Variants in PTK7 observed in about 807,000 individuals in gnomAD.
The protein encoded by PTK7 is protein tyrosine kinase 7 (inactive).
Under a neutral mutation model 116.6 loss-of-function variants are expected in PTK7, and 39 were observed. The observed-to-expected ratio is 0.33, with a 90% CI of 0.26 to 0.44. The LOEUF is 0.44. Ranked by LOEUF, PTK7 falls within the 20% of genes least tolerant of loss-of-function variation. The probability of loss-of-function intolerance (pLI) is 1.00; values close to 1 mark genes in which losing one functional copy is unlikely to be tolerated. For missense variants in PTK7, 1,169 were observed against 1,425.6 expected, an observed-to-expected ratio of 0.82 and a Z score of 2.90; for synonymous variants, 546 against 563.6, an observed-to-expected ratio of 0.97 and a Z score of 0.44.
intron 1 of PTK7, among the ~76,000 whole-genome samples, chr6:43,092,043 A>G (rs1561936390): frequency 6.6e-6 from 1 of 152,074 alleles, no homozygotes; most frequent in Non-Finnish European, 1.5e-5. Flanking sequence ...TTGTATTTTT[A>G]GTAGCGATGG....
intron 1 of PTK7, among the ~76,000 whole-genome samples, chr6:43,127,615 G>A (rs2150424951): frequency 6.6e-6 from 1 of 152,344 alleles, no homozygotes; most frequent in Admixed American, 6.5e-5. Flanking sequence ...CTTGGCCACA[G>A]ATGGATTTTC....
chr6:43,105,066 C>T (rs1001575911), intron 1 of PTK7, among the ~76,000 whole-genome samples: 6 of 151,384 alleles, frequency 4.0e-5, no homozygotes, highest in African/African-American at 1.2e-4. Flanking sequence ...CCGCCACAGC[C>T]TCCCAAAGTG....
At chr6:43,152,244 C>T (rs1771161681) in intron 17 of PTK7, among the ~76,000 whole-genome samples, 1 of 148,058 alleles carries the variant, frequency 6.8e-6, no homozygotes, top group Admixed American at 6.9e-5. Flanking sequence ...AAGAAATGTA[C>T]CAAAGCAGCC....
chr6:43,120,967 C>T (rs1291017292), intron 1 of PTK7, among the ~76,000 whole-genome samples: 2 of 152,122 alleles, frequency 1.3e-5, no homozygotes, highest in African/African-American at 4.8e-5. Context: ...TGGGTATAGC[C>T]CTTCCAGCCC....
At chr6:43,089,518 G>T (rs1228906889) in intron 1 of PTK7, among the ~76,000 whole-genome samples, 1 of 152,146 alleles carries the variant, frequency 6.6e-6, no homozygotes, top group South Asian at 2.1e-4. Context: ...ACAGCCTCAG[G>T]GGGGAGAAAA....
rs1770695216 is a variant in PTK7 at position 43,145,846 on chromosome 6, G to A, written c.2640+414G>A. On this transcript the variant is annotated intron_variant, in intron 16 of 19. Coordinates refer to ENST00000230419, the MANE Select transcript of PTK7 (RefSeq NM_002821.5). The surrounding 1 kb of genome is among the most constrained non-coding windows in gnomAD (Gnocchi z 4.8). The stretch of plus-strand genomic sequence containing the variant: ...GCCTCCCTCCTTCCTAGCACCACTT[G>A]TGACATGAGTGTTACCCCAGCCACC... The A allele has an allele frequency of 6.5e-6, 1 of 153,386 alleles. No homozygotes were observed. Among genetic ancestry groups the A allele is most frequent in the Admixed American group, 6.5e-5 (1 of 15,406 alleles). 9.5% of individuals were successfully genotyped at this position (153,386 alleles called of 1,614,324 possible). A position where few individuals can be genotyped will look rare whatever the true frequency, so the allele number is the denominator to read the frequency against.
chr6:43,141,939 A>G lies in PTK7; in HGVS notation c.1777A>G (p.Thr593Ala). 4 of 1,601,750 alleles carry G rather than the reference A, an allele frequency of 2.5e-6. No individual in the cohort carries two copies. The highest frequency in any genetic ancestry group is 3.4e-6 in the Non-Finnish European group (4 of 1,172,240). ...HVQLTVAVFI[T>A]FKVEPERTTV... ...GGTCTCTTTTCTTCCAGTTTTTATCACCTTCAAAGTGGAACCAGAGCGTAC... is the reference window on the plus strand; with the variant it reads ...GGTCTCTTTTCTTCCAGTTTTTATCGCCTTCAAAGTGGAACCAGAGCGTAC... The change falls in exon 12 of 20, where the codon ACC becomes GCC. Residue 593 changes from threonine (T) to alanine (A), a missense_variant. Physicochemically the swap from Thr to Ala is moderately conservative, Grantham distance 58. This residue lies in a region of PTK7 where 678 missense variants were observed against 853.8 expected (regional missense o/e 0.79). Coordinates refer to ENST00000230419, the MANE Select transcript of PTK7 (RefSeq NM_002821.5). The surrounding 1 kb of genome is among the most constrained non-coding windows in gnomAD (Gnocchi z 4.9).
chr6:43,114,471 C>G (rs1219044902), intron 1 of PTK7, among the ~76,000 whole-genome samples: 1 of 152,030 alleles, frequency 6.6e-6, no homozygotes, highest in Non-Finnish European at 1.5e-5. Flanking sequence ...CTGTCTGTCT[C>G]TGTCTGTGTG....
At chr6:43,159,366 C>T (rs1421521723) in intron 18 of PTK7, among the ~76,000 whole-genome samples, 2 of 152,206 alleles carry the variant, frequency 1.3e-5, no homozygotes, top group Non-Finnish European at 2.9e-5. Context: ...GAGGGCTCTG[C>T]AGCGCTGCCG....
chr6:43,117,262 T>G (rs1460097733), intron 1 of PTK7, among the ~76,000 whole-genome samples: 1 of 152,132 alleles, frequency 6.6e-6, no homozygotes, highest in Non-Finnish European at 1.5e-5. Flanking sequence ...CAGAGAAGGA[T>G]CCTCAAAACA....
At chr6:43,140,858 C>T (rs906808871) in intron 10 of PTK7, among the ~76,000 whole-genome samples, 99 of 151,888 alleles carry the variant, frequency 6.5e-4, no homozygotes, top group Non-Finnish European at 2.2e-4. Context: ...TTTTTTGTAA[C>T]GGTGTAATTT....
intron 17 of PTK7, among the ~76,000 whole-genome samples, chr6:43,146,957 G>A (rs918711024): frequency 1.3e-5 from 2 of 152,228 alleles, no homozygotes; most frequent in African/African-American, 4.8e-5. Context: ...TGCCATGCTG[G>A]CTTCACGGAG....
intron 17 of PTK7, among the ~76,000 whole-genome samples, chr6:43,151,337 G>A (rs1222787381): frequency 3.4e-5 from 5 of 146,150 alleles, no homozygotes; most frequent in Non-Finnish European, 7.5e-5. Flanking sequence ...TCAGCCTCCC[G>A]AGTAGCTGGG....
At chr6:43,147,657 G>A (rs1262186051) in intron 17 of PTK7, among the ~76,000 whole-genome samples, 2 of 152,340 alleles carry the variant, frequency 1.3e-5, no homozygotes, top group African/African-American at 2.4e-5. Context: ...GATGAATCAG[G>A]TGAATGGGAC....
intron 17 of PTK7, among the ~76,000 whole-genome samples, chr6:43,153,373 A>G (rs1327242316): frequency 6.6e-6 from 1 of 151,344 alleles, no homozygotes; most frequent in Non-Finnish European, 1.5e-5. Context: ...TTGGCCTCCC[A>G]AAGTGCTGGG....
In PTK7 at chr6:43,145,707, C is replaced by T. The variant is rs1770688081; in HGVS notation, c.2640+275C>T. The T allele has an allele frequency of 3.7e-6, 1 of 270,204 alleles. No homozygotes were observed. Among genetic ancestry groups the T allele is most frequent in the Non-Finnish European group, 6.9e-6 (1 of 144,322 alleles). The allele number at this position is 270,204 out of a possible 1,614,324, so 16.7% of individuals were successfully genotyped here. ...TTTTCTGGGACTTCTCACTGTCACA[C>T]TGCAGGGATGCCTTCCAGGTCATCT... On this transcript the variant is annotated intron_variant, in intron 16 of 19. Coordinates refer to ENST00000230419, the MANE Select transcript of PTK7 (RefSeq NM_002821.5). This position sits in a 1 kb window ranked among gnomAD's most constrained non-coding sequence, Gnocchi z 4.8.
In PTK7 at chr6:43,141,622, G is replaced by GA; in HGVS notation, c.1619-46_1619-45insA. The GA allele has an allele frequency of 6.3e-7, 1 of 1,595,304 alleles. No individual in the cohort carries two copies. The highest frequency in any genetic ancestry group is 8.6e-7 in the Non-Finnish European group (1 of 1,166,860). On this transcript the variant is annotated intron_variant, in intron 10 of 19. Coordinates refer to ENST00000230419, the MANE Select transcript of PTK7 (RefSeq NM_002821.5). This position sits in a 1 kb window ranked among gnomAD's most constrained non-coding sequence, Gnocchi z 4.9. Reference sequence around the variant, plus strand: ...GGACTGAAGGCATTGCCAGCTGTCTGTGTAACCCTGATCCTTCCCATAATT... The same window carrying GA: ...GGACTGAAGGCATTGCCAGCTGTCTGATGTAACCCTGATCCTTCCCATAATT...
rs1469111014 is a variant in PTK7 at position 43,080,267 on chromosome 6, GC to G, written c.79+3701del. 1.3e-4 allele frequency among the ~76,000 whole-genome samples: 19 copies of G among 151,988 alleles called. No homozygotes were observed. In the East Asian group the frequency reaches 3.5e-3, roughly 28 times the overall value. On this transcript the variant is annotated intron_variant, in intron 1 of 19. Coordinates refer to ENST00000230419, the MANE Select transcript of PTK7 (RefSeq NM_002821.5). ...CTTGGGAGGCTGAGGCAGGAGAATG[GC>G]GTGAACCCGGGAGGCAGAGCTTGCA...
chr6:43,108,475 C>T (rs575396104), intron 1 of PTK7, among the ~76,000 whole-genome samples: 1 of 151,578 alleles, frequency 6.6e-6, no homozygotes, highest in Admixed American at 6.6e-5. Context: ...GCACAGCTCA[C>T]TGCAGCCTCC....
Sources: gnomAD v4.1 joint callset for allele counts (sites outside exome capture counted in the v4.1 genomes callset) on GRCh38, gnomAD v4.1.1 for gene constraint, gnomAD v4.1.1 regional missense constraint, Gnocchi (gnomAD v3.1) non-coding constraint, MANE v1.5 for transcripts, NCBI Gene and HGNC (gene_info 2026-07-23, HGNC 2026-07-21) for gene names.